RAPGEF1: variants seen among roughly 807,000 people sequenced by gnomAD.
The protein encoded by RAPGEF1 is CRK SH3-binding GNRP.
A neutral mutation model predicts 143.3 loss-of-function variants in RAPGEF1; 33 were observed. The ratio of observed to expected loss-of-function variants is 0.23; its 90% CI spans 0.17 to 0.31. The LOEUF (loss-of-function observed/expected upper bound fraction) is 0.31, where lower values mean the gene tolerates loss of function less well. Among genes scored for constraint, RAPGEF1 ranks in the 10% least tolerant of loss-of-function variants. The probability of loss-of-function intolerance (pLI) is 1.00; values close to 1 mark genes in which losing one functional copy is unlikely to be tolerated. For missense variants in RAPGEF1, 1,199 were observed against 1,645.4 expected (o/e 0.73, Z 4.69); for synonymous variants, 629 against 676.5 (o/e 0.93, Z 1.09).
At chr9:131,586,927 A>AAC (rs1189840305) in intron 22 of RAPGEF1, among the ~76,000 whole-genome samples, 1 of 55,360 alleles carries the variant, frequency 1.8e-5, no homozygotes, top group African/African-American at 8.6e-5. Context: ...CTCCGTCTCA[A>AAC]ACACACACAC....
At chr9:131,598,365 C>A in intron 15 of RAPGEF1, 55 bp from the exon 16 acceptor site, 1 of 1,486,354 alleles carries the variant, frequency 6.7e-7, no homozygotes, top group Non-Finnish European at 9.3e-7. Context: ...GCTCCCGATG[C>A]CTGGAGGCCA....
chr9:131,588,124 C>T, intron 20 of RAPGEF1, 98 bp from the exon 21 acceptor site: 1 of 1,057,672 alleles, frequency 9.5e-7, no homozygotes, highest in Non-Finnish European at 1.4e-6. Flanking sequence ...AGGAGAGCCT[C>T]TCTGCCCAGC....
At chr9:131,622,790 A>G (rs573038360) in intron 10 of RAPGEF1, among the ~76,000 whole-genome samples, 111 of 148,322 alleles carry the variant, frequency 7.5e-4, no homozygotes, top group African/African-American at 2.6e-3. Flanking sequence ...TTTTTGAGAC[A>G]GAGTTTCGCT....
In RAPGEF1 at chr9:131,579,335, C is replaced by A; in HGVS notation, c.*162G>T. The stretch of plus-strand genomic sequence containing the variant: ...CACAGAGGAAGGAGGCAGGAAGCGG[C>A]TGGCAGGCTCCAGCTCCCGCCCGGC... On this transcript the variant is annotated 3_prime_UTR_variant, in exon 27 of 27. Coordinates refer to ENST00000683357, the MANE Select transcript of RAPGEF1 (RefSeq NM_001377935.1). 1 of 984,014 alleles carries A rather than the reference C, an allele frequency of 1.0e-6. No individual in the cohort carries two copies. 61.0% of individuals were successfully genotyped at this position (984,014 alleles called of 1,614,324 possible). A position where few individuals can be genotyped will look rare whatever the true frequency, so the allele number is the denominator to read the frequency against.
intron 1 of RAPGEF1, among the ~76,000 whole-genome samples, chr9:131,652,602 G>A (rs1971363283): frequency 6.6e-6 from 1 of 151,966 alleles, no homozygotes. Context: ...GTCTACGGGG[G>A]CAGGATCATC....
At position 131,584,233 on chromosome 9, in the gene RAPGEF1, C is replaced by A; in HGVS notation, c.3414+78G>T. 7.4e-7 allele frequency: 1 copy of A among 1,352,788 alleles called. No individual in the cohort carries two copies. The highest frequency in any genetic ancestry group is 1.0e-6 in the Non-Finnish European group (1 of 970,300). The allele number at this position is 1,352,788 out of a possible 1,614,324, so 83.8% of individuals were successfully genotyped here. On this transcript the variant is annotated intron_variant, in intron 24 of 26. Transcript: ENST00000683357. This position sits in a 1 kb window ranked among gnomAD's most constrained non-coding sequence, Gnocchi z 6.8. ...GCATTTGCTCCAGTGGGAGCACTTT[C>A]TGCCACAGCTAGTCGCCTGAGGGCT...
At chr9:131,581,074 G>A (rs1364333264) in intron 25 of RAPGEF1, among the ~76,000 whole-genome samples, 1 of 152,010 alleles carries the variant, frequency 6.6e-6, no homozygotes, top group Non-Finnish European at 1.5e-5. Flanking sequence ...CCTGGGAGGC[G>A]GAGGTTGCAG....
At position 131,589,959 on chromosome 9, in the gene RAPGEF1, A is replaced by T; in HGVS notation, c.2794T>A (p.Phe932Ile). Reference sequence around the variant, plus strand: ...ACGCGCTTCTTGAATGTGTCGGCAAAGGGAGAGAATTTCTCATATGTGGAG... The same window carrying T: ...ACGCGCTTCTTGAATGTGTCGGCAATGGGAGAGAATTTCTCATATGTGGAG... ...LQYRYEKFSP[F>I]ADTFKKRVSK... Residue 932 changes from phenylalanine (F) to isoleucine (I), a missense_variant, in exon 19 of 27, where the codon TTT (phenylalanine) becomes ATT (isoleucine). Around this residue, in one of 6 missense-constraint regions of RAPGEF1, gnomAD observed 209 missense variants for 403.0 expected, o/e 0.52. Coordinates refer to ENST00000683357, the MANE Select transcript of RAPGEF1 (RefSeq NM_001377935.1). 1.2e-6 allele frequency: 2 copies of T among 1,613,692 alleles called. No homozygotes were observed. Among genetic ancestry groups the T allele is most frequent in the Non-Finnish European group, 1.7e-6 (2 of 1,179,714 alleles).
intron 5 of RAPGEF1, among the ~76,000 whole-genome samples, chr9:131,637,455 C>A (rs2133216079): frequency 6.6e-6 from 1 of 152,158 alleles, no homozygotes; most frequent in Admixed American, 6.5e-5. Context: ...TAATTTAAGT[C>A]CTTTGGGGGT....
At chr9:131,699,956 C>T (rs983658317) in intron 1 of RAPGEF1, among the ~76,000 whole-genome samples, 28 of 152,188 alleles carry the variant, frequency 1.8e-4, no homozygotes, top group Non-Finnish European at 1.5e-5. Context: ...ATTTTAATGG[C>T]CTAATGGCCA....
chr9:131,656,421 C>T (rs557424238), intron 1 of RAPGEF1, among the ~76,000 whole-genome samples: 18 of 152,330 alleles, frequency 1.2e-4, no homozygotes, highest in African/African-American at 3.8e-4. Context: ...AGCCTCTTCC[C>T]TCACCAGGCA....
intron 17 of RAPGEF1, among the ~76,000 whole-genome samples, chr9:131,594,491 C>A (rs997333544): frequency 6.6e-6 from 1 of 152,284 alleles, no homozygotes; most frequent in Non-Finnish European, 1.5e-5. Context: ...CTCTCCCTGC[C>A]AAGCCCTGCT....
At chr9:131,635,967 G>C (rs1277213981) in intron 5 of RAPGEF1, among the ~76,000 whole-genome samples, 2 of 152,174 alleles carry the variant, frequency 1.3e-5, no homozygotes, top group South Asian at 2.1e-4. Context: ...ACAGTGTCTC[G>C]ATCACTCTCA....
intron 5 of RAPGEF1, among the ~76,000 whole-genome samples, chr9:131,633,025 C>T (rs1564581073): frequency 6.6e-6 from 1 of 152,192 alleles, no homozygotes; most frequent in Non-Finnish European, 1.5e-5. Context: ...TCCACAGATG[C>T]AGGTTCAGTG....
At chr9:131,619,855 G>C (rs1335228339) in intron 11 of RAPGEF1, among the ~76,000 whole-genome samples, 2 of 152,220 alleles carry the variant, frequency 1.3e-5, no homozygotes, top group African/African-American at 2.4e-5. Context: ...ATTTGAGAGA[G>C]GGTGTGACCA....
intron 17 of RAPGEF1, 37 bp downstream of exon 17, chr9:131,596,261 G>C: frequency 5.0e-6 from 8 of 1,605,396 alleles, no homozygotes; most frequent in Non-Finnish European, 6.8e-6. Context: ...CCCGGGGCAG[G>C]ACCAGCCCCA....
intron 1 of RAPGEF1, among the ~76,000 whole-genome samples, chr9:131,691,398 T>C (rs1334682160): frequency 2.0e-5 from 3 of 152,224 alleles, no homozygotes; most frequent in African/African-American, 7.2e-5. Flanking sequence ...TCTGATCATC[T>C]GATATGCTGT....
intron 1 of RAPGEF1, among the ~76,000 whole-genome samples, chr9:131,710,512 T>G (rs1835431100): frequency 6.6e-6 from 1 of 152,208 alleles, no homozygotes; most frequent in African/African-American, 2.4e-5. Flanking sequence ...TCGAGGTGGA[T>G]GAAAAGATTT....
At chr9:131,587,258 T>C (rs1953273271) in intron 22 of RAPGEF1, among the ~76,000 whole-genome samples, 1 of 76,062 alleles carries the variant, frequency 1.3e-5, no homozygotes, top group Non-Finnish European at 2.7e-5. Flanking sequence ...AGAGCGAGAC[T>C]CCATCTCAAA....
Sources: allele counts gnomAD v4.1 joint callset (sites outside exome capture counted in the v4.1 genomes callset), GRCh38; gene constraint gnomAD v4.1.1; regional missense constraint gnomAD v4.1.1; non-coding constraint Gnocchi (gnomAD v3.1); transcripts MANE v1.5; gene names NCBI Gene and HGNC (gene_info 2026-07-23, HGNC 2026-07-21).